The following FIRRM variants were observed in gnomAD, a reference collection of about 807,000 sequenced individuals.
FIRRM encodes the protein FIGNL1 interacting regulator of recombination and mitosis.
the FIRRM span, among the ~76,000 whole-genome samples, chr1:169,791,826 A>T: frequency 9.9e-3 from 1,508 of 152,372 alleles, 20 homozygotes; most frequent in African/African-American, 0.02. Flanking sequence ...AGCAAGGCAG[A>T]TCCCAATTCC....
At chr1:169,843,037 C>A in the FIRRM span, among the ~76,000 whole-genome samples, 3 of 152,248 alleles carry the variant, frequency 2.0e-5, no homozygotes. Flanking sequence ...ACACGTGTTT[C>A]TTAGTTTGAA....
At chr1:169,852,588 T>C in the FIRRM span, 2 of 586,390 alleles carry the variant, frequency 3.4e-6, no homozygotes, top group Non-Finnish European at 6.0e-6. Flanking sequence ...ACACTGGTAG[T>C]AGCACTCTGA....
the FIRRM span, among the ~76,000 whole-genome samples, chr1:169,785,608 C>G: frequency 6.6e-6 from 1 of 152,262 alleles, no homozygotes; most frequent in Admixed American, 6.5e-5. Flanking sequence ...CTCCTCTTCT[C>G]TCCTTCTCTG....
chr1:169,852,865 G>A, the FIRRM span: 1 of 1,614,128 alleles, frequency 6.2e-7, no homozygotes, highest in Middle Eastern at 1.6e-4. Flanking sequence ...AATAGCAGGG[G>A]CTTTGGAAGC....
chr1:169,804,433 GTATT>G, the FIRRM span: 3 of 341,332 alleles, frequency 8.8e-6, no homozygotes, highest in East Asian at 1.4e-4. Context: ...CTAGATTTGC[GTATT>G]TAGTTACTGT....
the FIRRM span, chr1:169,827,926 G>GTT: frequency 2.2e-5 from 28 of 1,290,120 alleles, no homozygotes; most frequent in African/African-American, 4.6e-5. Flanking sequence ...AAGTTTGTGT[G>GTT]TTTTTTTTTT....
chr1:169,807,275 C>G, the FIRRM span, among the ~76,000 whole-genome samples: 1 of 152,150 alleles, frequency 6.6e-6, no homozygotes, highest in Non-Finnish European at 1.5e-5. Context: ...TGCTTACTGT[C>G]TTTCAGTTCT....
chr1:169,837,384 T>C, the FIRRM span, among the ~76,000 whole-genome samples: 1 of 152,374 alleles, frequency 6.6e-6, no homozygotes, highest in South Asian at 2.1e-4. Context: ...ACACTTCACT[T>C]GTGTATTTTT....
At chr1:169,808,303 A>G in the FIRRM span, among the ~76,000 whole-genome samples, 4 of 152,310 alleles carry the variant, frequency 2.6e-5, no homozygotes, top group East Asian at 7.7e-4. Flanking sequence ...TCACCAACGC[A>G]TTGCGACCTT....
the FIRRM span, among the ~76,000 whole-genome samples, chr1:169,832,068 T>A: frequency 4.6e-5 from 7 of 152,190 alleles, no homozygotes; most frequent in Admixed American, 2.0e-4. Context: ...CCCTGTAACA[T>A]CTTTTAATGA....
At chr1:169,816,151 G>A in the FIRRM span, among the ~76,000 whole-genome samples, 1 of 152,042 alleles carries the variant, frequency 6.6e-6, no homozygotes, top group Non-Finnish European at 1.5e-5. Context: ...CAACAGTAAA[G>A]CAAAATAAGT....
At chr1:169,797,383 AC>A in the FIRRM span, among the ~76,000 whole-genome samples, 3 of 152,356 alleles carry the variant, frequency 2.0e-5, no homozygotes, top group South Asian at 6.2e-4. Flanking sequence ...TAATTTTGGA[AC>A]AGCTGGTAAT....
At chr1:169,815,043 A>G in the FIRRM span, among the ~76,000 whole-genome samples, 2 of 152,042 alleles carry the variant, frequency 1.3e-5, no homozygotes, top group Non-Finnish European at 2.9e-5. Context: ...CACGCCTGTA[A>G]TCCCAGCACT....
the FIRRM span, chr1:169,795,243 A>G: frequency 1.3e-6 from 2 of 1,530,912 alleles, no homozygotes; most frequent in Non-Finnish European, 8.8e-7. Context: ...ACTTCTACCT[A>G]GAGAAGGGTG....
the FIRRM span, among the ~76,000 whole-genome samples, chr1:169,814,864 C>T: frequency 4.6e-5 from 7 of 152,152 alleles, no homozygotes. Context: ...GGGGTTGGCA[C>T]CCCTAGACCC....
chr1:169,821,499 A>G, the FIRRM span, among the ~76,000 whole-genome samples: 3 of 152,068 alleles, frequency 2.0e-5, no homozygotes, highest in African/African-American at 7.2e-5. Flanking sequence ...GTCATTTGTT[A>G]TTTGTATCGC....
the FIRRM span, among the ~76,000 whole-genome samples, chr1:169,805,448 A>G: frequency 6.6e-6 from 1 of 152,198 alleles, no homozygotes; most frequent in African/African-American, 2.4e-5. Flanking sequence ...GCTGTGTGCT[A>G]GCACTTTTCA....
chr1:169,847,340 A>AG, the FIRRM span, among the ~76,000 whole-genome samples: 17 of 135,094 alleles, frequency 1.3e-4, no homozygotes, highest in South Asian at 2.5e-4. Context: ...AAAAAAAAAA[A>AG]GCAGTATCTT....
the FIRRM span, among the ~76,000 whole-genome samples, chr1:169,844,079 C>T: frequency 6.6e-6 from 1 of 152,188 alleles, no homozygotes; most frequent in Non-Finnish European, 1.5e-5. Context: ...GTGTTGAACC[C>T]TGCATTCATA....
Sources: allele counts gnomAD v4.1 joint callset (sites outside exome capture counted in the v4.1 genomes callset), GRCh38; gene constraint gnomAD v4.1.1; transcripts MANE v1.5; gene names NCBI Gene and HGNC (gene_info 2026-07-23, HGNC 2026-07-21).